Variants in TRAPPC9 observed in about 807,000 individuals in gnomAD.
The protein encoded by TRAPPC9 is IKK2 binding protein.
A neutral mutation model predicts 124.0 loss-of-function variants in TRAPPC9; 83 were observed. That is an observed-to-expected ratio of 0.67 (90% CI 0.56 to 0.80). The LOEUF (loss-of-function observed/expected upper bound fraction) is 0.80, where lower values mean the gene tolerates loss of function less well. Ranked by LOEUF, TRAPPC9 falls within the 30% of genes least tolerant of loss-of-function variation. The probability of loss-of-function intolerance (pLI) is 0.00; values close to 1 mark genes in which losing one functional copy is unlikely to be tolerated. For synonymous variants in TRAPPC9, 638 were observed against 617.5 expected, an observed-to-expected ratio of 1.03 and a Z score of -0.49; for missense variants, 1,302 against 1,508.3, an observed-to-expected ratio of 0.86 and a Z score of 2.27.
intron 9 of TRAPPC9, among the ~76,000 whole-genome samples, chr8:140,349,893 C>CA (rs764371147): frequency 4.6e-5 from 7 of 152,190 alleles, no homozygotes; most frequent in South Asian, 2.1e-4. Context: ...CTGCAGAAGC[C>CA]ACCTCTGCCC....
intron 21 of TRAPPC9, among the ~76,000 whole-genome samples, chr8:139,841,754 A>G (rs568813125): frequency 7.6e-4 from 115 of 152,262 alleles, no homozygotes; most frequent in African/African-American, 2.6e-3. Flanking sequence ...CTGCCCACTC[A>G]CGAGGAGCTC....
intron 13 of TRAPPC9, among the ~76,000 whole-genome samples, chr8:140,284,969 T>C (rs2065443096): frequency 6.6e-6 from 1 of 152,264 alleles, no homozygotes; most frequent in Non-Finnish European, 1.5e-5. Context: ...TAAAACCTGG[T>C]ATGACATGGT....
intron 21 of TRAPPC9, among the ~76,000 whole-genome samples, chr8:139,843,854 T>C (rs1450954157): frequency 6.6e-6 from 1 of 152,230 alleles, no homozygotes; most frequent in African/African-American, 2.4e-5. Flanking sequence ...AGAATAAATC[T>C]GTGTTGCTTT....
chr8:139,930,912 T>C (rs755372409), intron 19 of TRAPPC9, among the ~76,000 whole-genome samples: 2 of 152,164 alleles, frequency 1.3e-5, no homozygotes, highest in African/African-American at 2.4e-5. Context: ...CATTAGCTCA[T>C]TGACTCTGCA....
intron 20 of TRAPPC9, among the ~76,000 whole-genome samples, chr8:139,886,996 C>G (rs1398892908): frequency 6.6e-6 from 1 of 152,164 alleles, no homozygotes; most frequent in Non-Finnish European, 1.5e-5. Flanking sequence ...CTCCTGCTGG[C>G]TCATGGGGGA....
chr8:140,203,633 G>A (rs2062846895), intron 17 of TRAPPC9, among the ~76,000 whole-genome samples: 1 of 152,218 alleles, frequency 6.6e-6, no homozygotes, highest in African/African-American at 2.4e-5. Context: ...TTGCGGGAAG[G>A]TTGAGCTAAC....
rs532764941 is a variant in TRAPPC9 at position 139,739,445 on chromosome 8, T to C, written c.3056-7243A>G. Among the ~76,000 whole-genome samples the C allele has an allele frequency of 2.0e-5, 3 of 152,336 alleles. No individual in the cohort carries two copies. The East Asian group carries it at 5.8e-4, about 29-fold the overall frequency. On this transcript the variant is annotated intron_variant, in intron 21 of 22. Transcript: ENST00000438773. ...GAATAAAAGAAAGTCTTGATGAAAT[T>C]CTCACCCCAACTCTGGTCTCCTCGG...
chr8:140,334,709 T>C (rs1338397542), intron 9 of TRAPPC9, among the ~76,000 whole-genome samples: 1 of 152,020 alleles, frequency 6.6e-6, no homozygotes, highest in Non-Finnish European at 1.5e-5. Context: ...TATTGACTAC[T>C]TTCTAGTAGC....
intron 7 of TRAPPC9, among the ~76,000 whole-genome samples, chr8:140,388,404 C>G (rs1183657979): frequency 6.6e-6 from 1 of 151,370 alleles, no homozygotes; most frequent in East Asian, 1.9e-4. Flanking sequence ...ATGAAGGGGG[C>G]CGAGTGCGGT....
chr8:140,284,039 C>G lies in TRAPPC9; in HGVS notation c.1982-18G>C. On this transcript the variant is annotated intron_variant, in intron 13 of 22. Coordinates refer to ENST00000438773, the MANE Select transcript of TRAPPC9 (RefSeq NM_001160372.4). The stretch of plus-strand genomic sequence containing the variant: ...ATGGTAACCTGGAATAGAAAAGGAA[C>G]TTCTTCACTCCACTGGCAAGGCTTT... The G allele has an allele frequency of 1.2e-6, 2 of 1,613,840 alleles. No homozygotes were observed.
chr8:140,068,762 G>C (rs1203008366), intron 17 of TRAPPC9, among the ~76,000 whole-genome samples: 1 of 152,180 alleles, frequency 6.6e-6, no homozygotes, highest in Non-Finnish European at 1.5e-5. Context: ...TCTGCATTCA[G>C]AACAGCTCTT....
At chr8:140,297,841 C>G (rs7341646) in intron 11 of TRAPPC9, among the ~76,000 whole-genome samples, 4,712 of 152,308 alleles carry the variant, frequency 0.031, 243 homozygotes, top group African/African-American at 0.11. Flanking sequence ...TGTGTCTTGC[C>G]TGCATGAACT....
In TRAPPC9 at chr8:140,018,324, A is replaced by ATTTTTTCTTTTTTTTTTTTTTTTTTTTT. The variant is rs765656679; in HGVS notation, c.2699+5612_2699+5613insAAAAAAAAAAAAAAAAAAAAAGAAAAAA. Among the ~76,000 whole-genome samples the ATTTTTTCTTTTTTTTTTTTTTTTTTTTT allele has an allele frequency of 2.6e-4, 31 of 119,758 alleles. 4 individuals are homozygous for ATTTTTTCTTTTTTTTTTTTTTTTTTTTT. The highest frequency in any genetic ancestry group is 9.8e-4 in the African/African-American group (30 of 30,648). The allele number at this position is 119,758 out of a possible 152,430, so 78.6% of individuals were successfully genotyped here. ...TTGCTGGTATATAGAAACGTAAGTG[A>ATTTTTTCTTTTTTTTTTTTTTTTTTTTT]TTTTTTTTTTTTTTTTTGAGACGGA... On this transcript the variant is annotated intron_variant, in intron 18 of 22. Coordinates refer to ENST00000438773, the MANE Select transcript of TRAPPC9 (RefSeq NM_001160372.4).
At position 140,172,391 on chromosome 8, in the gene TRAPPC9, AATGGAGGGGGGTTAAACTACCTG is replaced by A. The variant is rs1478906756; in HGVS notation, c.2556+49045_2556+49067del. On this transcript the variant is annotated intron_variant, in intron 17 of 22. Transcript: ENST00000438773. ...AGGGGGAGTTAAACTACCTGTGGGC[AATGGAGGGGGGTTAAACTACCTG>A]TGGGCAATGGAGGGGGGTTAAACTA... Among the ~76,000 whole-genome samples the A allele has an allele frequency of 7.2e-4, 94 of 129,698 alleles. 1 individual carries two copies. The highest frequency in any genetic ancestry group is 4.2e-3 in the Middle Eastern group (1 of 238). The allele number at this position is 129,698 out of a possible 152,430, so 85.1% of individuals were successfully genotyped here. A position where few individuals can be genotyped will look rare whatever the true frequency, so the allele number is the denominator to read the frequency against.
chr8:140,100,270 G>A (rs1043929886), intron 17 of TRAPPC9: 1 of 152,078 alleles, frequency 6.6e-6, no homozygotes, highest in Non-Finnish European at 1.5e-5. Flanking sequence ...CTAGGTCTCA[G>A]TGCGCAGCTT....
chr8:140,311,337 C>T lies in TRAPPC9; in HGVS notation c.1533G>A (p.Thr511=), dbSNP rs750274973. The T allele has an allele frequency of 3.1e-6, 5 of 1,613,904 alleles. No homozygotes were observed. The highest frequency in any genetic ancestry group is 2.2e-5 in the East Asian group (1 of 44,866). Residue 511 remains threonine, a synonymous_variant, in exon 10 of 23, where the codon ACG becomes ACA. Transcript: ENST00000438773. ...KDVAQSLENY[T]SKCPGTMEPI... is the part of the protein sequence containing the mutation. ...GCTCCATGGTCCCAGGACACTTGGA[C>T]GTATAGTTCTCTAGGCTTTGGGCCA...
chr8:140,241,830 C>T lies in TRAPPC9; in HGVS notation c.2431+10947G>A, dbSNP rs904696277. Among the ~76,000 whole-genome samples the T allele has an allele frequency of 6.6e-6, 1 of 152,240 alleles. No homozygotes were observed. The highest frequency in any genetic ancestry group is 1.5e-5 in the Non-Finnish European group (1 of 68,040). ...GTGGAACACTCGGCAGCCTTCGCAG[C>T]GTGCCTTCCGTCCCTCACTTGCTTA... On this transcript the variant is annotated intron_variant, in intron 16 of 22. Transcript: ENST00000438773. The surrounding 1 kb of genome is among the most constrained non-coding windows in gnomAD (Gnocchi z 5.0).
chr8:140,076,934 G>C (rs1843542172), intron 17 of TRAPPC9, among the ~76,000 whole-genome samples: 1 of 152,234 alleles, frequency 6.6e-6, no homozygotes, highest in African/African-American at 2.4e-5. Flanking sequence ...GGGAGGCTGA[G>C]GCAGAAGGAT....
intron 16 of TRAPPC9, among the ~76,000 whole-genome samples, chr8:140,228,374 A>C (rs1031443707): frequency 1.3e-5 from 2 of 152,246 alleles, no homozygotes; most frequent in African/African-American, 4.8e-5. Context: ...ATCCTCAAGA[A>C]AACCAAAGCA....
Sources: gnomAD v4.1 joint callset for allele counts (sites outside exome capture counted in the v4.1 genomes callset) on GRCh38, gnomAD v4.1.1 for gene constraint, Gnocchi (gnomAD v3.1) non-coding constraint, MANE v1.5 for transcripts, NCBI Gene and HGNC (gene_info 2026-07-23, HGNC 2026-07-21) for gene names.